The following PCDHGA4 variants were observed in gnomAD, a reference collection of about 807,000 sequenced individuals.
PCDHGA4 encodes protocadherin gamma-A4.
In PCDHGA4, 38 loss-of-function variants were observed where a neutral mutation model predicts 54.6. The ratio of observed to expected loss-of-function variants is 0.70; its 90% CI spans 0.54 to 0.91. The LOEUF (loss-of-function observed/expected upper bound fraction) is 0.91, where lower values mean the gene tolerates loss of function less well. Ranked by LOEUF, PCDHGA4 falls within the 40% of genes least tolerant of loss-of-function variation. PCDHGA4 has a pLI of 0.00. For synonymous variants in PCDHGA4, 511 were observed against 512.9 expected, an observed-to-expected ratio of 1.00 and a Z score of 0.05; for missense variants, 1,298 against 1,220.9, an observed-to-expected ratio of 1.06 and a Z score of -0.94.
chr5:141,456,236 T>G (rs1299029934), intron 1 of PCDHGA4, among the ~76,000 whole-genome samples: 1 of 152,120 alleles, frequency 6.6e-6, no homozygotes, highest in African/African-American at 2.4e-5. Flanking sequence ...TAACTGCTGT[T>G]AGGAGGCTTT....
chr5:141,381,965 G>C (rs571350764), intron 1 of PCDHGA4, among the ~76,000 whole-genome samples: 96 of 151,186 alleles, frequency 6.3e-4, no homozygotes, highest in African/African-American at 2.2e-3. Flanking sequence ...GAGTAGCTGG[G>C]ATTACAGGCG....
Position 141,420,738 on chromosome 5 carries a change from T to C in PCDHGA4, c.2514+63117T>C, listed in dbSNP as rs550966989. 1.5e-4 allele frequency among the ~76,000 whole-genome samples: 23 copies of C among 152,358 alleles called. 1 individual carries two copies. In the South Asian group the frequency reaches 4.6e-3, roughly 30 times the overall value. ...GTTCCTTTCAGTCGGTTAAAATCAA[T>C]TGGAACCAACTACAACCTACAAGTT... On this transcript the variant is annotated intron_variant, in intron 1 of 3. Transcript: ENST00000571252.
chr5:141,460,649 A>G (rs1171722531), intron 1 of PCDHGA4, among the ~76,000 whole-genome samples: 2 of 152,152 alleles, frequency 1.3e-5, no homozygotes, highest in Non-Finnish European at 2.9e-5. Flanking sequence ...GTGTTTACAC[A>G]TATGTAACTG....
chr5:141,408,315 C>T lies in PCDHGA4; in HGVS notation c.2514+50694C>T, dbSNP rs757628906. The stretch of plus-strand genomic sequence containing the variant: ...AGTGAGCCGATCCGCTACTCGATTC[C>T]GGAGGAGCTGGCCAAGGGCTCGGTG... On this transcript the variant is annotated intron_variant, in intron 1 of 3. Coordinates refer to ENST00000571252, the MANE Select transcript of PCDHGA4 (RefSeq NM_018917.4). The T allele has an allele frequency of 5.6e-6, 9 of 1,613,712 alleles. No homozygotes were observed. The highest frequency in any genetic ancestry group is 6.8e-6 in the Non-Finnish European group (8 of 1,179,748).
At position 141,355,210 on chromosome 5, in the gene PCDHGA4, C is replaced by T. The variant is rs766513071; in HGVS notation, c.103C>T (p.Pro35Ser). 3 of 1,599,774 alleles carry T rather than the reference C, an allele frequency of 1.9e-6. No homozygotes were observed. Among genetic ancestry groups the T allele is most frequent in the Non-Finnish European group, 2.6e-6 (3 of 1,171,876 alleles). ...RLRGGVVMAA[P>S]PARPDHTRLL... ...CCGCGGCGGGGTTGTAATGGCGGCG[C>T]CTCCTGCTCGCCCAGACCACACCCG... Residue 35 changes from proline (P) to serine (S), a missense_variant, in exon 1 of 4, where the codon CCT (proline) becomes TCT (serine). Transcript: ENST00000571252.
chr5:141,410,774 C>G, intron 1 of PCDHGA4: 4 of 955,126 alleles, frequency 4.2e-6, no homozygotes, highest in Non-Finnish European at 5.8e-6. Context: ...ATAGTTTTCA[C>G]TATGTATTTG....
Position 141,389,832 on chromosome 5 carries a change from C to T in PCDHGA4, c.2514+32211C>T, listed in dbSNP as rs758113562. ...GGTCGCCGTGCGTGACGGTGGACAG[C>T]CACCACTCTCGGCCACTGCCACGTT... On this transcript the variant is annotated intron_variant, in intron 1 of 3. Coordinates refer to ENST00000571252, the MANE Select transcript of PCDHGA4 (RefSeq NM_018917.4). The T allele has an allele frequency of 2.2e-5, 36 of 1,613,848 alleles. 1 individual carries two copies. The South Asian group carries it at 3.8e-4, about 17-fold the overall frequency.
intron 1 of PCDHGA4, among the ~76,000 whole-genome samples, chr5:141,467,809 C>T (rs1026263094): frequency 6.6e-6 from 1 of 152,056 alleles, no homozygotes. Flanking sequence ...CAGGCACATG[C>T]CACCACACCA....
chr5:141,453,997 A>C (rs1332821058), intron 1 of PCDHGA4, among the ~76,000 whole-genome samples: 2 of 152,242 alleles, frequency 1.3e-5, no homozygotes, highest in Non-Finnish European at 2.9e-5. Context: ...TGATAAACCC[A>C]CATAACATTT....
rs1173372626 is a variant in PCDHGA4 at position 141,357,195 on chromosome 5, C to T, written c.2088C>T (p.Ala696=). 6 of 1,613,770 alleles carry T rather than the reference C, an allele frequency of 3.7e-6. No homozygotes were observed. Among genetic ancestry groups the T allele is most frequent in the South Asian group, 2.2e-5 (2 of 91,074 alleles). Residue 696 remains alanine, a synonymous_variant, in exon 1 of 4, where the codon GCC becomes GCT. Transcript: ENST00000571252. ...SATVTLTVAV[A]DSIPDVLADL... ...CCGTCACACTCACTGTGGCTGTGGC[C>T]GACAGCATCCCAGATGTCCTGGCTG...
chr5:141,373,270 G>A (rs1444168164), intron 1 of PCDHGA4, among the ~76,000 whole-genome samples: 3 of 152,194 alleles, frequency 2.0e-5, no homozygotes, highest in Non-Finnish European at 4.4e-5. Context: ...AGTATACACA[G>A]ATGTTGCCTA....
Position 141,477,568 on chromosome 5 carries a change from C to T in PCDHGA4, c.2515-17239C>T, listed in dbSNP as rs2099413139. The T allele has an allele frequency of 6.2e-7, 1 of 1,614,172 alleles. No individual in the cohort carries two copies. The highest frequency in any genetic ancestry group is 1.7e-4 in the Middle Eastern group (1 of 6,060). On this transcript the variant is annotated intron_variant, in intron 1 of 3. Transcript: ENST00000571252. This position sits in a 1 kb window ranked among gnomAD's most constrained non-coding sequence, Gnocchi z 4.9. ...TACTAAACCTAAGTGTCTGGGACCC[C>T]GACGCCCCGCAGAATGCTCGGCTTT...
At chr5:141,406,072 CTT>C (rs530474569) in intron 1 of PCDHGA4, among the ~76,000 whole-genome samples, 69 of 141,430 alleles carry the variant, frequency 4.9e-4, no homozygotes, top group African/African-American at 9.6e-4. Flanking sequence ...ATTCTTACTC[CTT>C]TTTTTTTTTT....
At chr5:141,365,363 CCCGAAG>C in intron 1 of PCDHGA4, 1 of 1,613,782 alleles carries the variant, frequency 6.2e-7, no homozygotes, top group African/African-American at 1.3e-5. Context: ...TGACAATGCC[CCCGAAG>C]TGATCCTCAC....
chr5:141,476,233 G>A lies in PCDHGA4; in HGVS notation c.2515-18574G>A, dbSNP rs1162067190. ...CGGTCATTCACTATGAGATCCCGGA[G>A]GAAAGAGAGAAGGGTTTCGCTGTGG... On this transcript the variant is annotated intron_variant, in intron 1 of 3. Coordinates refer to ENST00000571252, the MANE Select transcript of PCDHGA4 (RefSeq NM_018917.4). The surrounding 1 kb of genome is among the most constrained non-coding windows in gnomAD (Gnocchi z 7.6). The A allele has an allele frequency of 3.1e-6, 5 of 1,613,996 alleles. No homozygotes were observed. Among genetic ancestry groups the A allele is most frequent in the African/African-American group, 2.7e-5 (2 of 74,894 alleles).
At chr5:141,405,523 G>T (rs140184617) in intron 1 of PCDHGA4, 2 of 679,202 alleles carry the variant, frequency 2.9e-6, no homozygotes, top group African/African-American at 3.6e-5. Context: ...AAATTCAAGC[G>T]ATTCTCCTGC....
chr5:141,451,284 G>A (rs950768919), intron 1 of PCDHGA4, among the ~76,000 whole-genome samples: 1 of 152,186 alleles, frequency 6.6e-6, no homozygotes. Context: ...GAGTGCCTCT[G>A]CCTCAAAGTC....
At chr5:141,469,548 C>A (rs2099204726) in intron 1 of PCDHGA4, among the ~76,000 whole-genome samples, 1 of 152,212 alleles carries the variant, frequency 6.6e-6, no homozygotes, top group East Asian at 1.9e-4. Context: ...GCACTCCAGC[C>A]TGGCGACAGA....
At chr5:141,376,517 T>C (rs547172009) in intron 1 of PCDHGA4, 1 of 1,613,950 alleles carries the variant, frequency 6.2e-7, no homozygotes, top group East Asian at 2.2e-5. Flanking sequence ...GGTGAGTTTC[T>C]TTCCGCCTAA....
Sources: allele counts gnomAD v4.1 joint callset (sites outside exome capture counted in the v4.1 genomes callset), GRCh38; gene constraint gnomAD v4.1.1; non-coding constraint Gnocchi (gnomAD v3.1); transcripts MANE v1.5; gene names NCBI Gene and HGNC (gene_info 2026-07-23, HGNC 2026-07-21).